PSD: variants seen among roughly 807,000 people sequenced by gnomAD.
The protein encoded by PSD is PH and SEC7 domain-containing protein 1.
Under a neutral mutation model 91.6 loss-of-function variants are expected in PSD, and 32 were observed. The observed-to-expected ratio is 0.35, with a 90% confidence interval of 0.26 to 0.47. The LOEUF (loss-of-function observed/expected upper bound fraction) is 0.47, where lower values mean the gene tolerates loss of function less well. Ranked by LOEUF, PSD falls within the 20% of genes least tolerant of loss-of-function variation. The pLI is 1.00. For synonymous variants in PSD, 532 were observed against 569.3 expected (o/e 0.93, Z 0.93); for missense variants, 1,099 against 1,373.9 (o/e 0.80, Z 3.16).
In PSD at chr10:102,410,819, CT is replaced by C; in HGVS notation, c.2091+38del. 6.6e-7 allele frequency: 1 copy of C among 1,508,474 alleles called. No individual in the cohort carries two copies. The highest frequency in any genetic ancestry group is 1.1e-5 in the South Asian group (1 of 88,928). The allele number at this position is 1,508,474 out of a possible 1,614,324, so 93.4% of individuals were successfully genotyped here. A position where few individuals can be genotyped will look rare whatever the true frequency, so the allele number is the denominator to read the frequency against. The stretch of plus-strand genomic sequence containing the variant: ...TCCGTCGCCGACTGGGTCCTCCATC[CT>C]TCCCCTCCAGCGACTTCTACCCTGC... On this transcript the variant is annotated intron_variant, in intron 10 of 16. Coordinates refer to ENST00000020673, the MANE Select transcript of PSD (RefSeq NM_002779.5). The surrounding 1 kb of genome is among the most constrained non-coding windows in gnomAD (Gnocchi z 6.0).
intron 8 of PSD, 115 bp from the exon 9 acceptor site, chr10:102,411,231 T>C (rs973084288): frequency 6.6e-6 from 6 of 903,974 alleles, no homozygotes; most frequent in African/African-American, 1.7e-5. Context: ...TCCTACCTCC[T>C]GAACCCCGCT....
Position 102,414,185 on chromosome 10 carries a change from C to G in PSD, c.1137G>C (p.Arg379=), listed in dbSNP as rs778107728. Residue 379 remains arginine, a synonymous_variant, in exon 5 of 17, where the codon CGG becomes CGC. Coordinates refer to ENST00000020673, the MANE Select transcript of PSD (RefSeq NM_002779.5). The surrounding 1 kb of genome is among the most constrained non-coding windows in gnomAD (Gnocchi z 5.6). ...AGGGCACAGGTGACTTGAGAGGCAT[C>G]CGGCTCCCTGGCCTGCAGGGGCAGG... ...EASEGARPGS[R]MPLKSPVPFL... 1.2e-6 allele frequency: 2 copies of G among 1,607,532 alleles called. No homozygotes were observed. Among genetic ancestry groups the G allele is most frequent in the Non-Finnish European group, 1.7e-6 (2 of 1,175,788 alleles).
At position 102,403,797 on chromosome 10, in the gene PSD, T is replaced by G; in HGVS notation, c.2844+45A>C. The G allele has an allele frequency of 6.3e-7, 1 of 1,582,918 alleles. No individual in the cohort carries two copies. Among genetic ancestry groups the G allele is most frequent in the Non-Finnish European group, 8.6e-7 (1 of 1,161,334 alleles). On this transcript the variant is annotated intron_variant, in intron 16 of 16. Transcript: ENST00000020673. The surrounding 1 kb of genome is among the most constrained non-coding windows in gnomAD (Gnocchi z 6.7). ...TTAGAGTTCATGCCCTTCACCCTAG[T>G]ATGGGCCTGCGTGTGTGGACAGAGG...
chr10:102,418,784 T>A lies in PSD; in HGVS notation c.-167A>T. The A allele has an allele frequency of 2.2e-6, 1 of 454,846 alleles. No individual in the cohort carries two copies. The highest frequency in any genetic ancestry group is 4.4e-6 in the Non-Finnish European group (1 of 226,310). The allele number at this position is 454,846 out of a possible 1,614,324, so 28.2% of individuals were successfully genotyped here. ...GCTGTGAAGGCAGCGCGGCTCCCGT[T>A]TGCTCCAGGCCCGCCCGCCTCTCAG... On this transcript the variant is annotated 5_prime_UTR_variant, in exon 1 of 17. Transcript: ENST00000020673.
intron 10 of PSD, chr10:102,408,907 C>T (rs2061394425): frequency 1.0e-6 from 1 of 987,332 alleles, no homozygotes; most frequent in Non-Finnish European, 1.2e-6. Flanking sequence ...CCTTTTTCTT[C>T]TTGCGGCTCT....
In PSD at chr10:102,405,021, G is replaced by A. The variant is rs769901724; in HGVS notation, c.2432C>T (p.Thr811Met). The change falls in exon 14 of 17, where the codon ACG (threonine) becomes ATG (methionine). Residue 811 changes from threonine to methionine, a missense_variant. Physicochemically the swap from Thr to Met is moderately conservative, Grantham distance 81. Coordinates refer to ENST00000020673, the MANE Select transcript of PSD (RefSeq NM_002779.5). The surrounding 1 kb of genome is among the most constrained non-coding windows in gnomAD (Gnocchi z 5.4). ...EYKPGKALSE[T>M]ELKNAISIHH... is the part of the protein sequence containing the mutation. ...GATGCTGATGGCATTCTTGAGCTCC[G>A]TCTCTGAAAGGGCCTTCCCAGGCTT... 2.5e-5 allele frequency: 40 copies of A among 1,613,926 alleles called. No homozygotes were observed. The highest frequency in any genetic ancestry group is 8.8e-5 in the South Asian group (8 of 91,080).
At position 102,405,610 on chromosome 10, in the gene PSD, C is replaced by T; in HGVS notation, c.2136-74G>A. 7.0e-7 allele frequency: 1 copy of T among 1,428,790 alleles called. No homozygotes were observed. Among genetic ancestry groups the T allele is most frequent in the Non-Finnish European group, 9.4e-7 (1 of 1,062,758 alleles). The allele number at this position is 1,428,790 out of a possible 1,614,324, so 88.5% of individuals were successfully genotyped here. On this transcript the variant is annotated intron_variant, in intron 11 of 16. Transcript: ENST00000020673. The surrounding 1 kb of genome is among the most constrained non-coding windows in gnomAD (Gnocchi z 5.4). Reference sequence around the variant, plus strand: ...CCGCTTCAGTTCTGGCCTCTGCTCGCCCTGGAAAAGCTCCCCCAGTGTTTG... The same window carrying T: ...CCGCTTCAGTTCTGGCCTCTGCTCGTCCTGGAAAAGCTCCCCCAGTGTTTG...
rs772089836 is a variant in PSD at position 102,416,097 on chromosome 10, CG to C, written c.676del (p.Arg226GlyfsTer68). 2 of 1,613,594 alleles carry C rather than the reference CG, an allele frequency of 1.2e-6. No homozygotes were observed. Among genetic ancestry groups the C allele is most frequent in the Non-Finnish European group, 8.5e-7 (1 of 1,179,780 alleles). On this transcript the variant is annotated frameshift_variant, in exon 3 of 17. Transcript: ENST00000020673. LOFTEE classifies it high-confidence loss of function. This position sits in a 1 kb window ranked among gnomAD's most constrained non-coding sequence, Gnocchi z 6.0. ...LNQGDTWSSP[R>X]EVSSHAQRIA... ...TCTCTGGGCATGAGAGGAGACTTCC[CG>C]GGGGGAGGACCAGGTATCCCCCTGA...
intron 10 of PSD, among the ~76,000 whole-genome samples, chr10:102,408,327 C>G (rs1355384322): frequency 6.6e-6 from 1 of 152,202 alleles, no homozygotes; most frequent in Non-Finnish European, 1.5e-5. Flanking sequence ...ACAGCCATGC[C>G]CAGCCACAAG....
rs1315125165 is a variant in PSD, at chr10:102,416,414, C to A, written c.625G>T (p.Gly209Ter). The stretch of plus-strand genomic sequence containing the variant: ...TTCAGGAATCCAGTGTCAGCAGGTC[C>A]TCCGAAGAGTGTGGCCAGGCGCTCA... ...PPERLATLFGGPADTGFLNQG... is the reference protein window; with the variant it reads ...PPERLATLFG Residue 209 changes from glycine (G) to a stop codon, truncating the protein, a stop_gained, in exon 2 of 17, where the codon GGA (glycine) becomes TGA (stop). Transcript: ENST00000020673. LOFTEE classifies it high-confidence loss of function. The surrounding 1 kb of genome is among the most constrained non-coding windows in gnomAD (Gnocchi z 6.0). 1.2e-6 allele frequency: 2 copies of A among 1,607,470 alleles called. No homozygotes were observed. The highest frequency in any genetic ancestry group is 1.7e-6 in the Non-Finnish European group (2 of 1,177,316).
chr10:102,403,262 G>T lies in PSD; in HGVS notation c.3013C>A (p.Arg1005=). The change falls in exon 17 of 17, where the codon CGG becomes AGG. Residue 1005 remains arginine, a synonymous_variant. Transcript: ENST00000020673. This position sits in a 1 kb window ranked among gnomAD's most constrained non-coding sequence, Gnocchi z 6.7. ...SLQPKPSSQP[R]AQRHSSEPRP... ...GGCTCTGAGCTGTGACGCTGAGCCC[G>T]GGGCTGGCTGGAGGGTTTGGGCTGC... 6.2e-7 allele frequency: 1 copy of T among 1,610,508 alleles called. No homozygotes were observed. The highest frequency in any genetic ancestry group is 8.5e-7 in the Non-Finnish European group (1 of 1,177,826).
At chr10:102,407,199 C>A in intron 11 of PSD, 24 bp downstream of exon 11, 1 of 1,598,846 alleles carries the variant, frequency 6.3e-7, no homozygotes, top group Admixed American at 1.7e-5. Flanking sequence ...CATCCTAGCC[C>A]CACCACGCAG....
In PSD at chr10:102,417,199, A is replaced by C; in HGVS notation, c.-83-78T>G. 5.1e-6 allele frequency: 3 copies of C among 584,910 alleles called. No homozygotes were observed. The South Asian group carries it at 6.1e-5, about 12-fold the overall frequency. The allele number at this position is 584,910 out of a possible 1,614,324, so 36.2% of individuals were successfully genotyped here. The stretch of plus-strand genomic sequence containing the variant: ...AGGACAGCAGAGATAGGGAAGGGAA[A>C]GTTGGCTAGGGCCTCTGAGTATCAG... On this transcript the variant is annotated intron_variant, in intron 1 of 16. Transcript: ENST00000020673.
In PSD at chr10:102,406,584, T is replaced by TGCAA. The variant is rs1229608289; in HGVS notation, c.2135+635_2135+638dup. Among the ~76,000 whole-genome samples, 3 of 150,934 alleles carry TGCAA rather than the reference T, an allele frequency of 2.0e-5. No individual in the cohort carries two copies. In the East Asian group the frequency reaches 5.8e-4, roughly 29 times the overall value. On this transcript the variant is annotated intron_variant, in intron 11 of 16. Coordinates refer to ENST00000020673, the MANE Select transcript of PSD (RefSeq NM_002779.5). ...GTGCAGTGGCGGGATCTCGGCTCAC[T>TGCAA]GCAAGCTCCACCTCTCGGGTTCACA...
rs1344788246 is a variant in PSD at position 102,404,842 on chromosome 10, G to A, written c.2555+56C>T. On this transcript the variant is annotated intron_variant, in intron 14 of 16. Transcript: ENST00000020673. The surrounding 1 kb of genome is among the most constrained non-coding windows in gnomAD (Gnocchi z 5.7). ...TGAAAAAATCCAGGGACAGGGAGGG[G>A]AGCAGGATGGGAGGTGGGGGAAGGG... 1.9e-6 allele frequency: 3 copies of A among 1,594,876 alleles called. No individual in the cohort carries two copies. The East Asian group carries it at 6.7e-5, about 36-fold the overall frequency.
chr10:102,411,694 C>G lies in PSD; in HGVS notation c.1942+13G>C, dbSNP rs747938238. ...GGCCAGCTAAGGACACCCCTGCTCT[C>G]GGAACTCCTCACCCTCTGAGGACAG... On this transcript the variant is annotated intron_variant, in intron 8 of 16. Coordinates refer to ENST00000020673, the MANE Select transcript of PSD (RefSeq NM_002779.5). 6 of 1,605,832 alleles carry G rather than the reference C, an allele frequency of 3.7e-6. No individual in the cohort carries two copies. Among genetic ancestry groups the G allele is most frequent in the Non-Finnish European group, 5.1e-6 (6 of 1,175,438 alleles).
intron 1 of PSD, 23 bp from the exon 2 acceptor site, chr10:102,417,144 T>C (rs1046575889): frequency 4.6e-6 from 3 of 656,320 alleles, no homozygotes; most frequent in South Asian, 1.9e-5. Flanking sequence ...AAGGGGAGCA[T>C]GGGGTGAACT....
rs1438350142 is a variant in PSD, at chr10:102,411,115, G to A, written c.1944C>T (p.Asp648=). Residue 648 remains aspartate (D), a splice_region_variant and synonymous_variant, in exon 9 of 17, where the codon GAC becomes GAT. Coordinates refer to ENST00000020673, the MANE Select transcript of PSD (RefSeq NM_002779.5). ...GCGCACAGGTCAGCGTGTGGGCGCC[G>A]TCTAGGGGAGAGCTGACTTTCAGCC... ...QCNPEALSSE[D]GAHTLTCALM... 1.1e-5 allele frequency: 18 copies of A among 1,603,824 alleles called. No individual in the cohort carries two copies. The highest frequency in any genetic ancestry group is 1.4e-5 in the Non-Finnish European group (17 of 1,172,566).
Position 102,416,115 on chromosome 10 carries a change from T to C in PSD, c.659A>G (p.Asp220Gly). The C allele has an allele frequency of 1.2e-6, 2 of 1,611,914 alleles. No individual in the cohort carries two copies. The highest frequency in any genetic ancestry group is 2.2e-5 in the South Asian group (2 of 90,826). Residue 220 changes from aspartate (D) to glycine (G), a missense_variant, in exon 3 of 17, where the codon GAT becomes GGT. Transcript: ENST00000020673. This position sits in a 1 kb window ranked among gnomAD's most constrained non-coding sequence, Gnocchi z 6.0. ...PADTGFLNQG[D>G]TWSSPREVSS... ...GACTTCCCGGGGGGAGGACCAGGTATCCCCCTGAGCCAACGAGGGAGACAC... is the reference window on the plus strand; with the variant it reads ...GACTTCCCGGGGGGAGGACCAGGTACCCCCCTGAGCCAACGAGGGAGACAC...
Sources: allele counts gnomAD v4.1 joint callset (sites outside exome capture counted in the v4.1 genomes callset), GRCh38; gene constraint gnomAD v4.1.1; non-coding constraint Gnocchi (gnomAD v3.1); transcripts MANE v1.5; gene names NCBI Gene and HGNC (gene_info 2026-07-23, HGNC 2026-07-21).